Variants in RBFOX1 observed in about 807,000 individuals in gnomAD.
The protein encoded by RBFOX1 is RNA binding fox-1 homolog 1, also known as RNA binding protein fox-1 homolog 1.
A neutral mutation model predicts 57.7 loss-of-function variants in RBFOX1; 8 were observed. That is an observed-to-expected ratio of 0.14 (90% CI 0.08 to 0.25). The LOEUF is 0.25. Ranked by LOEUF, RBFOX1 falls within the 10% of genes least tolerant of loss-of-function variation. RBFOX1 has a pLI of 1.00. For synonymous variants in RBFOX1, 326 were observed against 222.4 expected (o/e 1.47, Z -4.15); for missense variants, 611 against 548.5 (o/e 1.11, Z -1.14).
At chr16:5,750,629 A>G (rs944770474) in intron 3 of RBFOX1, among the ~76,000 whole-genome samples, 1 of 152,182 alleles carries the variant, frequency 6.6e-6, no homozygotes, top group Non-Finnish European at 1.5e-5. Flanking sequence ...CTGTGCTAGC[A>G]ATGAGTGAGG....
chr16:7,067,002 A>T (rs1039558124), intron 4 of RBFOX1, among the ~76,000 whole-genome samples: 2 of 152,190 alleles, frequency 1.3e-5, no homozygotes, highest in African/African-American at 4.8e-5. Flanking sequence ...GCTCCTAACA[A>T]ACAGTAACAG....
intron 3 of RBFOX1, among the ~76,000 whole-genome samples, chr16:5,608,190 A>T (rs1218581018): frequency 6.6e-6 from 1 of 152,222 alleles, no homozygotes; most frequent in Admixed American, 6.5e-5. Context: ...GTGAATTGTC[A>T]TAACACCCCG....
chr16:7,219,645 C>G lies in RBFOX1; in HGVS notation c.27+167547C>G, dbSNP rs566100573. On this transcript the variant is annotated intron_variant, in intron 4 of 15. Transcript: ENST00000550418. ...TCACACTTGATGGGATTGTTTTTGTCAAACTCGGAGTAAAACTGGCTCCTC... is the reference window on the plus strand; with the variant it reads ...TCACACTTGATGGGATTGTTTTTGTGAAACTCGGAGTAAAACTGGCTCCTC... Among the ~76,000 whole-genome samples, 22 of 152,236 alleles carry G rather than the reference C, an allele frequency of 1.4e-4. 1 individual carries two copies. In the South Asian group the frequency reaches 3.9e-3, roughly 27 times the overall value.
chr16:7,051,136 C>G (rs927818844), intron 3 of RBFOX1, among the ~76,000 whole-genome samples: 1 of 152,048 alleles, frequency 6.6e-6, no homozygotes, highest in Non-Finnish European at 1.5e-5. Flanking sequence ...AAAAAAAATA[C>G]TGGAAAGATA....
chr16:6,663,305 C>G (rs542553569), intron 3 of RBFOX1, among the ~76,000 whole-genome samples: 2 of 152,076 alleles, frequency 1.3e-5, no homozygotes, highest in African/African-American at 4.8e-5. Flanking sequence ...AGTTTGCTGC[C>G]GTGAGGAAGA....
chr16:7,189,945 C>G (rs1400409001), intron 4 of RBFOX1, among the ~76,000 whole-genome samples: 1 of 152,172 alleles, frequency 6.6e-6, no homozygotes, highest in African/African-American at 2.4e-5. Flanking sequence ...GGCAAGACAT[C>G]AATTAGTGAT....
intron 2 of RBFOX1, among the ~76,000 whole-genome samples, chr16:6,351,942 G>A (rs907922836): frequency 5.9e-5 from 9 of 152,080 alleles, no homozygotes; most frequent in Admixed American, 2.6e-4. Context: ...TGCTGTAACT[G>A]GTATAAATGC....
intron 4 of RBFOX1, among the ~76,000 whole-genome samples, chr16:7,227,970 G>C (rs2093255986): frequency 1.3e-5 from 2 of 152,180 alleles, no homozygotes; most frequent in South Asian, 4.1e-4. Flanking sequence ...CCTGTGCTCT[G>C]TAGGATGTTT....
chr16:6,022,177 T>A (rs563106062), intron 1 of RBFOX1, among the ~76,000 whole-genome samples: 3 of 152,252 alleles, frequency 2.0e-5, no homozygotes, highest in South Asian at 4.1e-4. Flanking sequence ...TTGCAGCAGT[T>A]GTACATTTCT....
At chr16:6,948,342 C>G (rs1294706884) in intron 3 of RBFOX1, among the ~76,000 whole-genome samples, 2 of 128,804 alleles carry the variant, frequency 1.6e-5, no homozygotes, top group Admixed American at 7.9e-5. Flanking sequence ...ACTCTGACAT[C>G]TTTCTGCTAC....
chr16:5,611,778 C>CCATA (rs879567713), intron 3 of RBFOX1, among the ~76,000 whole-genome samples: 10,365 of 118,278 alleles, frequency 0.088, 802 homozygotes, highest in East Asian at 0.36. Flanking sequence ...TCCCATCCAT[C>CCATA]CATCCATCCA....
At chr16:7,106,910 G>A (rs1010508479) in intron 4 of RBFOX1, among the ~76,000 whole-genome samples, 1 of 151,866 alleles carries the variant, frequency 6.6e-6, no homozygotes, top group African/African-American at 2.4e-5. Flanking sequence ...TTGGCAGTGG[G>A]CATGCAACAA....
intron 3 of RBFOX1, among the ~76,000 whole-genome samples, chr16:5,776,207 T>C (rs1396982534): frequency 6.6e-6 from 1 of 152,246 alleles, no homozygotes; most frequent in Admixed American, 6.5e-5. Flanking sequence ...TGCTTAAGTT[T>C]TATCATAAAT....
intron 2 of RBFOX1, among the ~76,000 whole-genome samples, chr16:6,638,454 A>G (rs955776689): frequency 3.3e-5 from 5 of 152,162 alleles, no homozygotes; most frequent in African/African-American, 1.2e-4. Context: ...TGGAAACTCA[A>G]GGGCCACGCA....
intron 2 of RBFOX1, among the ~76,000 whole-genome samples, chr16:6,512,528 C>G (rs1353860631): frequency 6.6e-6 from 1 of 152,026 alleles, no homozygotes; most frequent in Non-Finnish European, 1.5e-5. Flanking sequence ...GGGTCTGGAC[C>G]AAGACTGGGT....
At chr16:6,374,816 T>G (rs370169105) in intron 2 of RBFOX1, among the ~76,000 whole-genome samples, 2 of 152,352 alleles carry the variant, frequency 1.3e-5, no homozygotes, top group African/African-American at 4.8e-5. Context: ...AAATCAATTT[T>G]TATTCTTAAT....
At chr16:6,364,031 A>G (rs1195409375) in intron 2 of RBFOX1, among the ~76,000 whole-genome samples, 1 of 152,232 alleles carries the variant, frequency 6.6e-6, no homozygotes. Context: ...TCAATGGAAT[A>G]GTGGCCTGTA....
chr16:6,648,922 A>G (rs186764277), intron 2 of RBFOX1, among the ~76,000 whole-genome samples: 136 of 152,342 alleles, frequency 8.9e-4, no homozygotes, highest in African/African-American at 2.9e-3. Flanking sequence ...AATAGAGCCA[A>G]TATCATATAC....
chr16:7,446,014 C>T (rs2098804908), intron 4 of RBFOX1, among the ~76,000 whole-genome samples: 1 of 152,102 alleles, frequency 6.6e-6, no homozygotes, highest in South Asian at 2.1e-4. Context: ...CTCAGCCTGC[C>T]CAACAATTTG....
Sources: gnomAD v4.1 joint callset for allele counts (sites outside exome capture counted in the v4.1 genomes callset) on GRCh38, gnomAD v4.1.1 for gene constraint, MANE v1.5 for transcripts, NCBI Gene and HGNC (gene_info 2026-07-23, HGNC 2026-07-21) for gene names.